The following ADAMTSL1 variants were observed in gnomAD, a reference collection of about 807,000 sequenced individuals.
ADAMTSL1 encodes ADAMTS like 1, also known as ADAMTS-like protein 1.
A neutral mutation model predicts 201.8 loss-of-function variants in ADAMTSL1; 126 were observed. That is an observed-to-expected ratio of 0.62 (90% CI 0.54 to 0.72). The LOEUF is 0.72. Among genes scored for constraint, ADAMTSL1 ranks in the 30% least tolerant of loss-of-function variants. The probability of loss-of-function intolerance (pLI) is 0.00; values close to 1 mark genes in which losing one functional copy is unlikely to be tolerated. For missense variants in ADAMTSL1, 2,679 were observed against 2,277.8 expected, an observed-to-expected ratio of 1.18 and a Z score of -3.59; for synonymous variants, 1,121 against 903.4, an observed-to-expected ratio of 1.24 and a Z score of -4.32.
chr9:18,800,989 T>C (rs745698072), intron 20 of ADAMTSL1, among the ~76,000 whole-genome samples: 1 of 151,844 alleles, frequency 6.6e-6, no homozygotes, highest in Non-Finnish European at 1.5e-5. Flanking sequence ...CAAAAAAATA[T>C]CTGAATATTG....
At chr9:18,698,306 A>G (rs989274938) in intron 13 of ADAMTSL1, among the ~76,000 whole-genome samples, 2 of 152,024 alleles carry the variant, frequency 1.3e-5, no homozygotes, top group African/African-American at 4.8e-5. Context: ...TTTGAGACAG[A>G]GTCTTGCTCT....
chr9:18,375,724 C>T (rs538472127), intron 2 of ADAMTSL1, among the ~76,000 whole-genome samples: 1 of 152,328 alleles, frequency 6.6e-6, no homozygotes, highest in African/African-American at 2.4e-5. Context: ...AAGAACAAAC[C>T]TCCCATAGCA....
intron 2 of ADAMTSL1, among the ~76,000 whole-genome samples, chr9:18,349,221 A>G (rs1023820143): frequency 1.3e-5 from 2 of 152,174 alleles, no homozygotes; most frequent in African/African-American, 4.8e-5. Flanking sequence ...ACTTATGTGG[A>G]TTGTTATCGC....
chr9:18,312,979 A>G (rs1180937419), intron 2 of ADAMTSL1, among the ~76,000 whole-genome samples: 1 of 152,232 alleles, frequency 6.6e-6, no homozygotes, highest in Non-Finnish European at 1.5e-5. Context: ...GATTAAAAGT[A>G]TAGTCTGTGG....
chr9:18,909,946 G>C lies in ADAMTSL1; in HGVS notation c.*1398G>C, dbSNP rs1011012667. 6.6e-6 allele frequency: 1 copy of C among 152,174 alleles called. No homozygotes were observed. The highest frequency in any genetic ancestry group is 2.4e-5 in the African/African-American group (1 of 41,432). 9.4% of individuals were successfully genotyped at this position (152,174 alleles called of 1,614,324 possible). On this transcript the variant is annotated 3_prime_UTR_variant, in exon 29 of 29. Transcript: ENST00000380548. The stretch of plus-strand genomic sequence containing the variant: ...CAAAATGAAAACTCTGGGACTCTTC[G>C]GCAAAATCCTCATTAAGCCGAGCAG...
chr9:18,127,781 C>A (rs1342597759), intron 1 of ADAMTSL1, among the ~76,000 whole-genome samples: 2 of 152,078 alleles, frequency 1.3e-5, no homozygotes, highest in Admixed American at 1.3e-4. Flanking sequence ...AAATGGTCAC[C>A]AGGAAACTTG....
At chr9:18,560,947 A>C (rs933191940) in intron 3 of ADAMTSL1, among the ~76,000 whole-genome samples, 8 of 151,500 alleles carry the variant, frequency 5.3e-5, no homozygotes, top group African/African-American at 1.9e-4. Context: ...CTTTAAAAAA[A>C]AAAAACAGCT....
At chr9:18,095,233 C>G (rs910786940) in intron 1 of ADAMTSL1, among the ~76,000 whole-genome samples, 1 of 152,012 alleles carries the variant, frequency 6.6e-6, no homozygotes, top group Non-Finnish European at 1.5e-5. Flanking sequence ...TCAGAAAGGG[C>G]TCACAGCCAA....
In ADAMTSL1 at chr9:18,908,710, G is replaced by A. The variant is rs778393171; in HGVS notation, c.*162G>A. ...CACCTCCACCTTCAAGCATAAGGAC[G>A]TCCGCGTGTTTTCTCTTTCAGTTAG... is the stretch of plus-strand genomic sequence containing the variant. On this transcript the variant is annotated 3_prime_UTR_variant, in exon 29 of 29. Transcript: ENST00000380548. 1.0e-4 allele frequency: 61 copies of A among 592,716 alleles called. No homozygotes were observed. Among genetic ancestry groups the A allele is most frequent in the African/African-American group, 3.8e-5 (2 of 53,154 alleles). 36.7% of individuals were successfully genotyped at this position (592,716 alleles called of 1,614,324 possible).
At chr9:18,788,249 A>G (rs1821816917) in intron 19 of ADAMTSL1, among the ~76,000 whole-genome samples, 1 of 152,198 alleles carries the variant, frequency 6.6e-6, no homozygotes, top group Non-Finnish European at 1.5e-5. Flanking sequence ...TTTCAGAAAA[A>G]TAATCCTGCT....
intron 20 of ADAMTSL1, among the ~76,000 whole-genome samples, chr9:18,811,564 G>T (rs1299694919): frequency 6.6e-6 from 1 of 152,190 alleles, no homozygotes; most frequent in African/African-American, 2.4e-5. Context: ...ACCTGCACTG[G>T]GTAGTAACAA....
At chr9:18,613,056 G>C (rs1291931632) in intron 4 of ADAMTSL1, among the ~76,000 whole-genome samples, 1 of 152,096 alleles carries the variant, frequency 6.6e-6, no homozygotes, top group Non-Finnish European at 1.5e-5. Context: ...TAAAGGACAT[G>C]AACAGGCACT....
At chr9:17,924,045 T>A (rs1826416291) in intron 1 of ADAMTSL1, among the ~76,000 whole-genome samples, 1 of 138,274 alleles carries the variant, frequency 7.2e-6, no homozygotes, top group South Asian at 2.7e-4. Flanking sequence ...TATTGAGGAT[T>A]TTTGCATCAA....
chr9:18,697,768 A>G (rs923224937), intron 13 of ADAMTSL1, among the ~76,000 whole-genome samples: 3 of 152,216 alleles, frequency 2.0e-5, no homozygotes, highest in African/African-American at 7.2e-5. Flanking sequence ...TTACTTGAGC[A>G]ATTAGGTAGC....
Position 18,826,479 on chromosome 9 carries a change from C to G in ADAMTSL1, c.4114+16C>G, listed in dbSNP as rs1224495890. ...CTGATCCTAGGTAAACACTTCAAAG[C>G]TGGCTGCCTCTGCTGCACCCTGTTG... On this transcript the variant is annotated intron_variant, in intron 22 of 28. Coordinates refer to ENST00000380548, the MANE Select transcript of ADAMTSL1 (RefSeq NM_001040272.6). The G allele has an allele frequency of 1.2e-6, 2 of 1,603,646 alleles. No homozygotes were observed. The highest frequency in any genetic ancestry group is 1.3e-5 in the African/African-American group (1 of 74,718).
At chr9:18,501,101 C>T (rs187713627) in intron 1 of ADAMTSL1, among the ~76,000 whole-genome samples, 2 of 152,126 alleles carry the variant, frequency 1.3e-5, no homozygotes, top group East Asian at 3.9e-4. Flanking sequence ...TTTAGGCGAC[C>T]CATTATCTAC....
At chr9:18,631,034 T>C (rs553825826) in intron 5 of ADAMTSL1, among the ~76,000 whole-genome samples, 1 of 152,336 alleles carries the variant, frequency 6.6e-6, no homozygotes, top group South Asian at 2.1e-4. Flanking sequence ...ACGGTATCTA[T>C]GTCAGGATTA....
intron 4 of ADAMTSL1, among the ~76,000 whole-genome samples, chr9:18,608,595 G>A (rs1274094975): frequency 6.6e-6 from 1 of 152,144 alleles, no homozygotes; most frequent in Non-Finnish European, 1.5e-5. Flanking sequence ...TAATAGTGCA[G>A]TGATTCAGCA....
At chr9:18,756,397 G>T (rs1287718800) in intron 16 of ADAMTSL1, among the ~76,000 whole-genome samples, 1 of 151,122 alleles carries the variant, frequency 6.6e-6, no homozygotes, top group African/African-American at 2.4e-5. Flanking sequence ...CTTTGGCTAA[G>T]TTTTGTTGGG....
Sources: allele counts gnomAD v4.1 joint callset (sites outside exome capture counted in the v4.1 genomes callset), GRCh38; gene constraint gnomAD v4.1.1; transcripts MANE v1.5; gene names NCBI Gene and HGNC (gene_info 2026-07-23, HGNC 2026-07-21).